The following MEGF11 variants were observed in gnomAD, a reference collection of about 807,000 sequenced individuals.
The protein encoded by MEGF11 is multiple epidermal growth factor-like domains protein 11.
Under a neutral mutation model 146.6 loss-of-function variants are expected in MEGF11, and 126 were observed. The ratio of observed to expected loss-of-function variants is 0.86; its 90% confidence interval spans 0.74 to 1.00. The LOEUF is 1.00. Among genes scored for constraint, MEGF11 ranks in the 50% least tolerant of loss-of-function variants. The pLI, the probability that MEGF11 is intolerant of heterozygous loss-of-function variation, is 0.00. For synonymous variants in MEGF11, 532 were observed against 583.4 expected, an observed-to-expected ratio of 0.91 and a Z score of 1.27; for missense variants, 1,509 against 1,521.2, an observed-to-expected ratio of 0.99 and a Z score of 0.13.
At chr15:66,060,322 CA>C (rs1298534266) in intron 5 of MEGF11, among the ~76,000 whole-genome samples, 11 of 152,242 alleles carry the variant, frequency 7.2e-5, no homozygotes, top group African/African-American at 2.2e-4. Context: ...TCAGAAAATC[CA>C]AATCCAATAA....
intron 5 of MEGF11, among the ~76,000 whole-genome samples, chr15:66,074,534 T>C (rs576394504): frequency 2.0e-5 from 3 of 152,352 alleles, no homozygotes; most frequent in African/African-American, 7.2e-5. Context: ...AGGAGAGTCA[T>C]GAAATCAATA....
Position 66,128,410 on chromosome 15 carries a change from C to G in MEGF11, c.-7G>C, listed in dbSNP as rs750727648. 2.0e-6 allele frequency: 3 copies of G among 1,472,832 alleles called. No individual in the cohort carries two copies. Among genetic ancestry groups the G allele is most frequent in the Non-Finnish European group, 2.7e-6 (3 of 1,109,978 alleles). The allele number at this position is 1,472,832 out of a possible 1,614,324, so 91.2% of individuals were successfully genotyped here. A position where few individuals can be genotyped will look rare whatever the true frequency, so the allele number is the denominator to read the frequency against. Reference sequence around the variant, plus strand: ...CCGTCAGGGAGAGCACCATCCCGGGCCCTGCACAGGAGAACAAAGGAGGCT... The same window carrying G: ...CCGTCAGGGAGAGCACCATCCCGGGGCCTGCACAGGAGAACAAAGGAGGCT... On this transcript the variant is annotated splice_region_variant and 5_prime_UTR_variant, in exon 2 of 26. Coordinates refer to ENST00000395614, the MANE Select transcript of MEGF11 (RefSeq NM_001385028.1).
chr15:65,977,931 C>T (rs1461178902), intron 7 of MEGF11, among the ~76,000 whole-genome samples: 3 of 152,202 alleles, frequency 2.0e-5, no homozygotes, highest in African/African-American at 7.2e-5. Context: ...TTTGAAAGGT[C>T]TCAGAGCCCA....
intron 5 of MEGF11, among the ~76,000 whole-genome samples, chr15:66,081,577 C>A (rs934809730): frequency 6.6e-6 from 1 of 152,256 alleles, no homozygotes; most frequent in Non-Finnish European, 1.5e-5. Flanking sequence ...CGGGGTTTCA[C>A]CATGTTGGCC....
intron 13 of MEGF11, among the ~76,000 whole-genome samples, chr15:65,925,251 G>A (rs530000729): frequency 6.6e-6 from 1 of 152,348 alleles, no homozygotes; most frequent in Non-Finnish European, 1.5e-5. Context: ...AATCCTTAGT[G>A]TTTTCATGTC....
chr15:66,171,276 G>A lies in MEGF11; in HGVS notation c.-8-42865C>T, dbSNP rs531446624. Among the ~76,000 whole-genome samples the A allele has an allele frequency of 7.9e-5, 12 of 152,276 alleles. No individual in the cohort carries two copies. The East Asian group carries it at 1.4e-3, about 17-fold the overall frequency. ...CCGGGGCAGGTATCTGCTCAACCAC[G>A]GGGGCGGTCAAAAAGACAGAGAATC... On this transcript the variant is annotated intron_variant, in intron 1 of 25. Coordinates refer to ENST00000395614, the MANE Select transcript of MEGF11 (RefSeq NM_001385028.1).
chr15:66,160,634 T>C (rs1278984865), intron 1 of MEGF11, among the ~76,000 whole-genome samples: 2 of 150,694 alleles, frequency 1.3e-5, no homozygotes, highest in African/African-American at 2.5e-5. Flanking sequence ...GTGCCTACTA[T>C]ATGCCAGGCA....
At chr15:66,072,698 G>C (rs752976653) in intron 5 of MEGF11, among the ~76,000 whole-genome samples, 4 of 152,170 alleles carry the variant, frequency 2.6e-5, no homozygotes, top group Non-Finnish European at 5.9e-5. Flanking sequence ...TTGGGAAGCT[G>C]GTCTCCTCTG....
intron 5 of MEGF11, among the ~76,000 whole-genome samples, chr15:66,034,582 G>C (rs146041216): frequency 0.015 from 2,257 of 152,044 alleles, 60 homozygotes; most frequent in African/African-American, 0.052. Context: ...ACCATGCCTG[G>C]CTAATTTTTG....
intron 1 of MEGF11, among the ~76,000 whole-genome samples, chr15:66,134,810 C>T (rs1001334849): frequency 2.0e-5 from 3 of 152,248 alleles, no homozygotes; most frequent in Non-Finnish European, 4.4e-5. Context: ...GACAGCAAGC[C>T]ACATGGTGTC....
At chr15:66,097,928 C>T (rs1319873469) in intron 4 of MEGF11, among the ~76,000 whole-genome samples, 1 of 152,076 alleles carries the variant, frequency 6.6e-6, no homozygotes, top group East Asian at 1.9e-4. Context: ...AGCTCATCTC[C>T]CTCCCTCCTC....
rs575049723 is a variant in MEGF11 at position 66,245,319 on chromosome 15, T to C, written c.-9+8286A>G. On this transcript the variant is annotated intron_variant, in intron 1 of 25. Transcript: ENST00000395614. ...GGTGCTATGGAAAAAAAATGTAAGATAATGAGTTGGTTAAAACAATGTTTT... is the reference window on the plus strand; with the variant it reads ...GGTGCTATGGAAAAAAAATGTAAGACAATGAGTTGGTTAAAACAATGTTTT... Among the ~76,000 whole-genome samples the C allele has an allele frequency of 3.0e-4, 45 of 152,122 alleles. 1 individual carries two copies. In the South Asian group the frequency reaches 4.2e-3, roughly 14 times the overall value.
chr15:66,146,516 A>G (rs553320088), intron 1 of MEGF11, among the ~76,000 whole-genome samples: 24 of 152,396 alleles, frequency 1.6e-4, no homozygotes, highest in Non-Finnish European at 2.9e-4. Flanking sequence ...TTCATTCCCA[A>G]TAAGACACGG....
intron 24 of MEGF11, among the ~76,000 whole-genome samples, chr15:65,900,327 A>G (rs1412859993): frequency 6.6e-6 from 1 of 152,244 alleles, no homozygotes; most frequent in African/African-American, 2.4e-5. Flanking sequence ...GTAAAAAGTG[A>G]AAGTGATAAT....
intron 5 of MEGF11, among the ~76,000 whole-genome samples, chr15:66,089,648 G>A (rs949020239): frequency 7.9e-5 from 12 of 152,156 alleles, no homozygotes; most frequent in Non-Finnish European, 1.3e-4. Context: ...AGTTAACAGG[G>A]CATATTTAAT....
chr15:66,188,678 G>A (rs532089862), intron 1 of MEGF11, among the ~76,000 whole-genome samples: 1 of 152,296 alleles, frequency 6.6e-6, no homozygotes, highest in South Asian at 2.1e-4. Flanking sequence ...CCAGTATGCA[G>A]ACTCCTGGCC....
chr15:66,127,005 C>T (rs529975303), intron 2 of MEGF11, among the ~76,000 whole-genome samples: 45 of 152,280 alleles, frequency 3.0e-4, no homozygotes, highest in Middle Eastern at 3.4e-3. Flanking sequence ...CAGTTGTCAA[C>T]AAGAAAAGAC....
intron 10 of MEGF11, among the ~76,000 whole-genome samples, chr15:65,933,075 C>T (rs748725329): frequency 7.1e-4 from 108 of 152,094 alleles, no homozygotes; most frequent in Non-Finnish European, 1.4e-3. Context: ...GGGTCTTTGC[C>T]ACGGAGAGGC....
At chr15:66,045,746 T>C (rs1189173599) in intron 5 of MEGF11, among the ~76,000 whole-genome samples, 2 of 152,132 alleles carry the variant, frequency 1.3e-5, no homozygotes, top group Non-Finnish European at 2.9e-5. Context: ...GGTTTACAGT[T>C]GGCAGGGCAC....
Sources: allele counts gnomAD v4.1 joint callset (sites outside exome capture counted in the v4.1 genomes callset), GRCh38; gene constraint gnomAD v4.1.1; transcripts MANE v1.5; gene names NCBI Gene and HGNC (gene_info 2026-07-23, HGNC 2026-07-21).